Variants in RSPH1 observed in about 807,000 individuals in gnomAD.
The protein encoded by RSPH1 is radial spoke head 1 homolog.
RSPH1 carries 32 observed loss-of-function variants against 44.2 expected under a neutral mutation model. The ratio of observed to expected loss-of-function variants is 0.72; its 90% CI spans 0.55 to 0.97. The LOEUF (loss-of-function observed/expected upper bound fraction) is 0.97, where lower values mean the gene tolerates loss of function less well. Among genes scored for constraint, RSPH1 ranks in the 50% least tolerant of loss-of-function variants. The probability of loss-of-function intolerance (pLI) is 0.00; values close to 1 mark genes in which losing one functional copy is unlikely to be tolerated. For missense variants in RSPH1, 391 were observed against 398.7 expected (o/e 0.98, Z 0.16); for synonymous variants, 134 against 147.3 (o/e 0.91, Z 0.65).
In RSPH1 at chr21:42,477,547, G is replaced by C. The variant is rs550539882; in HGVS notation, c.574-103C>G. ...GACAAGTTTTGAAAGACAGGTTTTG[G>C]CTTGTGTTTCAGCCTTTTTAGGACG... On this transcript the variant is annotated intron_variant, in intron 6 of 8. Transcript: ENST00000291536. 6 of 1,289,292 alleles carry C rather than the reference G, an allele frequency of 4.7e-6. No homozygotes were observed. In the African/African-American group the frequency reaches 7.3e-5, roughly 16 times the overall value. The allele number at this position is 1,289,292 out of a possible 1,614,324, so 79.9% of individuals were successfully genotyped here.
chr21:42,480,504 G>A (rs1298723381), intron 6 of RSPH1, among the ~76,000 whole-genome samples: 1 of 152,038 alleles, frequency 6.6e-6, no homozygotes, highest in Admixed American at 6.5e-5. Context: ...GCTGGGCGTG[G>A]TGGCACATGC....
At chr21:42,473,259 G>C (rs577057963) in intron 8 of RSPH1, among the ~76,000 whole-genome samples, 1 of 152,352 alleles carries the variant, frequency 6.6e-6, no homozygotes, top group South Asian at 2.1e-4. Context: ...GGGAGGCCAA[G>C]GCAGGCGGAT....
intron 6 of RSPH1, among the ~76,000 whole-genome samples, chr21:42,477,828 G>A (rs986200644): frequency 3.9e-5 from 6 of 152,166 alleles, no homozygotes; most frequent in African/African-American, 1.4e-4. Flanking sequence ...GCCACATTTT[G>A]CAACTCTAAT....
rs764263512 is a variant in RSPH1, at chr21:42,493,067, C to A, written c.67G>T (p.Gly23Cys). 6.2e-6 allele frequency: 10 copies of A among 1,613,844 alleles called. No homozygotes were observed. Among genetic ancestry groups the A allele is most frequent in the Non-Finnish European group, 8.5e-6 (10 of 1,179,820 alleles). Residue 23 changes from glycine (G) to cysteine (C), a missense_variant, in exon 2 of 9, where the codon GGT becomes TGT. Transcript: ENST00000291536. The part of the protein sequence containing the change: ...GENDIGEYEG[G>C]RNEAGERHGR... The stretch of plus-strand genomic sequence containing the variant: ...TGCCTTTCGCCTGCCTCATTCCGAC[C>A]CCCCTCATATTCCTGGGTAATGAAA...
At chr21:42,477,493 G>T in intron 6 of RSPH1, 49 bp from the exon 7 acceptor site, 1 of 1,591,478 alleles carries the variant, frequency 6.3e-7, no homozygotes. Context: ...TGTCATCTTG[G>T]TCTGGAATAT....
At chr21:42,483,218 G>A (rs2054147052) in intron 5 of RSPH1, among the ~76,000 whole-genome samples, 1 of 149,618 alleles carries the variant, frequency 6.7e-6, no homozygotes, top group Admixed American at 6.7e-5. Context: ...AGTTACTATT[G>A]TTGGTATTTG....
At chr21:42,479,865 C>A (rs1316522917) in intron 6 of RSPH1, among the ~76,000 whole-genome samples, 1 of 152,178 alleles carries the variant, frequency 6.6e-6, no homozygotes, top group African/African-American at 2.4e-5. Flanking sequence ...GACTAGAGCA[C>A]CCTGCGGTCC....
At chr21:42,480,238 G>A (rs184097641) in intron 6 of RSPH1, among the ~76,000 whole-genome samples, 1 of 152,306 alleles carries the variant, frequency 6.6e-6, no homozygotes, top group Admixed American at 6.5e-5. Context: ...AAGCAGCAAC[G>A]GAGCACGGAC....
At chr21:42,478,471 GGT>G (rs1304455910) in intron 6 of RSPH1, among the ~76,000 whole-genome samples, 8 of 152,244 alleles carry the variant, frequency 5.3e-5, no homozygotes, top group African/African-American at 1.9e-4. Context: ...AGATTCGGCA[GGT>G]CTGGGATAGC....
At chr21:42,478,469 CA>C (rs1397235626) in intron 6 of RSPH1, among the ~76,000 whole-genome samples, 8 of 152,218 alleles carry the variant, frequency 5.3e-5, no homozygotes, top group African/African-American at 1.9e-4. Flanking sequence ...TCAGATTCGG[CA>C]GGTCTGGGAT....
intron 3 of RSPH1, among the ~76,000 whole-genome samples, chr21:42,488,068 G>A (rs1469344799): frequency 6.6e-6 from 1 of 152,166 alleles, no homozygotes; most frequent in Non-Finnish European, 1.5e-5. Flanking sequence ...ATTCAGAAAA[G>A]AGCAGGCTTA....
chr21:42,480,064 A>G (rs1383983891), intron 6 of RSPH1, among the ~76,000 whole-genome samples: 1 of 152,246 alleles, frequency 6.6e-6, no homozygotes, highest in Admixed American at 6.5e-5. Flanking sequence ...TGGTCAGCCA[A>G]GAAGGTGGAC....
At position 42,496,139 on chromosome 21, in the gene RSPH1, A is replaced by G. The variant is rs942241857; in HGVS notation, c.48T>C (p.Asp16=). The part of the protein sequence containing the change: ...SEELEEEGEN[D]IGEYEGGRNE... ...TCTCACCAGGAGCTCTCACCCCAAT[A>G]TCATTCTCTCCCTCCTCCTCCAACT... Residue 16 remains aspartate, a synonymous_variant, in exon 1 of 9, where the codon GAT becomes GAC. Transcript: ENST00000291536. 6.2e-7 allele frequency: 1 copy of G among 1,613,812 alleles called. No individual in the cohort carries two copies. The highest frequency in any genetic ancestry group is 8.5e-7 in the Non-Finnish European group (1 of 1,179,900).
chr21:42,475,866 C>T, intron 8 of RSPH1, 32 bp downstream of exon 8: 1 of 1,605,766 alleles, frequency 6.2e-7, no homozygotes, highest in Non-Finnish European at 8.5e-7. Context: ...AAGTGCGGGC[C>T]CTCGCCCCAC....
intron 6 of RSPH1, among the ~76,000 whole-genome samples, chr21:42,482,322 A>T (rs2054136408): frequency 6.6e-6 from 1 of 152,190 alleles, no homozygotes; most frequent in Non-Finnish European, 1.5e-5. Flanking sequence ...GACCTAAAGC[A>T]ATCCACCGCT....
chr21:42,485,035 G>C (rs1309991659), intron 5 of RSPH1: 1 of 152,176 alleles, frequency 6.6e-6, no homozygotes, highest in Non-Finnish European at 1.5e-5. Flanking sequence ...CCTGATCAAA[G>C]CTACCACGAT....
rs141241740 is a variant in RSPH1 at position 42,476,043 on chromosome 21, T to C, written c.732A>G (p.Ala244=). The C allele has an allele frequency of 7.4e-5, 119 of 1,613,668 alleles. No homozygotes were observed. The African/African-American group carries it at 7.7e-4, about 10-fold the overall frequency. ...PGQDAPGAES[A]GEPGEEAQAL... is the part of the protein sequence containing the mutation. ...CCTGGGCCTCCTCCCCGGGTTCTCC[T>C]GCACCTGAGATAAAACACAAGTCAG... is the stretch of plus-strand genomic sequence containing the variant. The change falls in exon 8 of 9, where the codon GCA becomes GCG. Residue 244 remains alanine (A), a synonymous_variant. Coordinates refer to ENST00000291536, the MANE Select transcript of RSPH1 (RefSeq NM_080860.4).
chr21:42,489,426 G>C (rs2146659764), intron 3 of RSPH1, among the ~76,000 whole-genome samples: 1 of 152,338 alleles, frequency 6.6e-6, no homozygotes, highest in African/African-American at 2.4e-5. Flanking sequence ...TGGGTCAGTT[G>C]GCTGGTGTGG....
chr21:42,476,156 C>T, intron 7 of RSPH1, 109 bp from the exon 8 acceptor site: 1 of 1,054,408 alleles, frequency 9.5e-7, no homozygotes, highest in Middle Eastern at 2.1e-4. Flanking sequence ...CTCCCCCTCC[C>T]ACTGGCAGCA....
Sources: gnomAD v4.1 joint callset for allele counts (sites outside exome capture counted in the v4.1 genomes callset) on GRCh38, gnomAD v4.1.1 for gene constraint, MANE v1.5 for transcripts, NCBI Gene and HGNC (gene_info 2026-07-23, HGNC 2026-07-21) for gene names.